Variants in PVT1 observed in about 807,000 individuals in gnomAD.
PVT1 encodes CXCR4/PVT1 fusion.
chr8:127,908,173 A>G (rs1442782619), intron 3 of PVT1, among the ~76,000 whole-genome samples: 2 of 152,026 alleles, frequency 1.3e-5, no homozygotes, highest in Non-Finnish European at 2.9e-5. Flanking sequence ...CAGCTCCACA[A>G]AATACAACCA....
chr8:127,896,723 A>G lies in PVT1; in HGVS notation n.782+5725A>G, dbSNP rs983259918. ...GATTTGCTGCATCTATCACCCCATC[A>G]CCTAGATATTAAGCCCAGCATGCAT... is the stretch of plus-strand genomic sequence containing the variant. On this transcript the variant is annotated intron_variant and non_coding_transcript_variant, in intron 3 of 10. Coordinates refer to ENST00000651587, the Ensembl canonical transcript of PVT1. Among the ~76,000 whole-genome samples, 12 of 150,734 alleles carry G rather than the reference A, an allele frequency of 8.0e-5. 1 individual carries two copies. In the East Asian group the frequency reaches 2.4e-3, roughly 30 times the overall value.
chr8:127,831,551 C>A (rs1814850945), intron 2 of PVT1, among the ~76,000 whole-genome samples: 1 of 152,042 alleles, frequency 6.6e-6, no homozygotes, highest in African/African-American at 2.4e-5. Context: ...GGATCCAAAT[C>A]CATGGGAGTG....
chr8:127,961,965 A>T (rs1816648024), intron 3 of PVT1, among the ~76,000 whole-genome samples: 1 of 152,188 alleles, frequency 6.6e-6, no homozygotes, highest in Non-Finnish European at 1.5e-5. Flanking sequence ...AGGACGAAGG[A>T]GATAATGAAT....
intron 2 of PVT1, among the ~76,000 whole-genome samples, chr8:127,842,622 G>C (rs1814985619): frequency 6.6e-6 from 1 of 152,004 alleles, no homozygotes; most frequent in Admixed American, 6.6e-5. Flanking sequence ...TCCACAGAAA[G>C]GCCGAGTCTC....
At chr8:127,953,779 A>C (rs1021216532) in intron 3 of PVT1, among the ~76,000 whole-genome samples, 2 of 152,178 alleles carry the variant, frequency 1.3e-5, no homozygotes, top group African/African-American at 4.8e-5. Context: ...TTCCTAGATG[A>C]CTGGAACATT....
At chr8:127,985,945 A>G (rs1055426959) in intron 3 of PVT1, among the ~76,000 whole-genome samples, 1 of 152,170 alleles carries the variant, frequency 6.6e-6, no homozygotes, top group Non-Finnish European at 1.5e-5. Flanking sequence ...CCTGGCTGCC[A>G]TCTGCCCACC....
At chr8:127,980,485 TG>T (rs1816871050) in intron 3 of PVT1, among the ~76,000 whole-genome samples, 1 of 152,128 alleles carries the variant, frequency 6.6e-6, no homozygotes, top group African/African-American at 2.4e-5. Context: ...CAGTGTTTCC[TG>T]GGTTCCCTAG....
intron 3 of PVT1, among the ~76,000 whole-genome samples, chr8:127,952,127 C>T (rs1816512771): frequency 6.6e-6 from 1 of 152,132 alleles, no homozygotes; most frequent in African/African-American, 2.4e-5. Flanking sequence ...AAACAGAATT[C>T]TTTCAATGTT....
Position 127,940,891 on chromosome 8 carries a change from T to C in PVT1, n.783-48271T>C, listed in dbSNP as rs888641454. Among the ~76,000 whole-genome samples, 20 of 152,336 alleles carry C rather than the reference T, an allele frequency of 1.3e-4. No individual in the cohort carries two copies. The East Asian group carries it at 3.9e-3, about 29-fold the overall frequency. On this transcript the variant is annotated intron_variant and non_coding_transcript_variant, in intron 3 of 10. Transcript: ENST00000651587. ...TGCTGTGATTACAGGTGTGAGCCACTATGTCCGGCTCACGTCCAGTTATCT... is the reference window on the plus strand; with the variant it reads ...TGCTGTGATTACAGGTGTGAGCCACCATGTCCGGCTCACGTCCAGTTATCT...
intron 2 of PVT1, among the ~76,000 whole-genome samples, chr8:127,841,356 CT>C (rs1814971709): frequency 6.6e-6 from 1 of 152,202 alleles, no homozygotes; most frequent in South Asian, 2.1e-4. Flanking sequence ...TCACTGCAAC[CT>C]TCACCTCCCA....
intron 2 of PVT1, among the ~76,000 whole-genome samples, chr8:127,862,766 T>C (rs1259263591): frequency 6.6e-6 from 1 of 152,254 alleles, no homozygotes; most frequent in Non-Finnish European, 1.5e-5. Flanking sequence ...TTTCTTTGAC[T>C]ACTGGTGTGG....
chr8:127,845,978 G>C (rs1815029494), intron 2 of PVT1, among the ~76,000 whole-genome samples: 1 of 152,204 alleles, frequency 6.6e-6, no homozygotes, highest in Admixed American at 6.5e-5. Flanking sequence ...TCTTAGCGGG[G>C]TCCCAGGAAG....
At chr8:128,040,798 G>A (rs1042136040) in intron 4 of PVT1, among the ~76,000 whole-genome samples, 2 of 151,240 alleles carry the variant, frequency 1.3e-5, no homozygotes, top group Admixed American at 6.6e-5. Flanking sequence ...TTGTGTTTGA[G>A]TGCTTCTGTG....
intron 3 of PVT1, chr8:127,932,645 T>C (rs1360155362): frequency 2.5e-6 from 1 of 398,110 alleles, no homozygotes; most frequent in Non-Finnish European, 4.4e-6. Flanking sequence ...CCAAGCTACG[T>C]ACAGCTTCAA....
intron 4 of PVT1, among the ~76,000 whole-genome samples, chr8:128,049,752 A>G (rs1813666479): frequency 6.6e-6 from 1 of 152,144 alleles, no homozygotes; most frequent in Admixed American, 6.5e-5. Flanking sequence ...GATTCAGGTA[A>G]GGTTTACACC....
At chr8:128,051,466 A>G (rs929547557) in intron 4 of PVT1, among the ~76,000 whole-genome samples, 21 of 152,144 alleles carry the variant, frequency 1.4e-4, no homozygotes, top group African/African-American at 4.8e-4. Flanking sequence ...TCATGGATTG[A>G]GATGTTTATT....
At chr8:128,018,879 GAGA>G (rs1817403016) in intron 4 of PVT1, among the ~76,000 whole-genome samples, 1 of 152,326 alleles carries the variant, frequency 6.6e-6, no homozygotes, top group South Asian at 2.1e-4. Context: ...GCTGATCCTG[GAGA>G]AGATTGTTCC....
intron 4 of PVT1, among the ~76,000 whole-genome samples, chr8:128,029,308 G>T (rs1342764710): frequency 1.4e-5 from 2 of 144,482 alleles, no homozygotes; most frequent in East Asian, 2.1e-4. Context: ...CTTTTTTTTT[G>T]CAGGAAACGA....
chr8:127,841,080 G>C (rs753015992), intron 2 of PVT1, among the ~76,000 whole-genome samples: 1 of 152,158 alleles, frequency 6.6e-6, no homozygotes, highest in African/African-American at 2.4e-5. Context: ...TGCTGTCTTT[G>C]AGTCCTCAGT....
Sources: gnomAD v4.1 joint callset for allele counts (sites outside exome capture counted in the v4.1 genomes callset) on GRCh38, gnomAD v4.1.1 for gene constraint, MANE v1.5 for transcripts, NCBI Gene and HGNC (gene_info 2026-07-23, HGNC 2026-07-21) for gene names.